The following CCSER1 variants were observed in gnomAD, a reference collection of about 807,000 sequenced individuals.
CCSER1 encodes the protein serine-rich coiled-coil domain-containing protein 1.
A neutral mutation model predicts 82.0 loss-of-function variants in CCSER1; 41 were observed. The ratio of observed to expected loss-of-function variants is 0.50; its 90% CI spans 0.39 to 0.65. The LOEUF (loss-of-function observed/expected upper bound fraction) is 0.65, where lower values mean the gene tolerates loss of function less well. Ranked by LOEUF, CCSER1 falls within the 30% of genes least tolerant of loss-of-function variation. The pLI is 0.00. For missense variants in CCSER1, 1,119 were observed against 1,064.2 expected (o/e 1.05, Z -0.72); for synonymous variants, 414 against 383.9 (o/e 1.08, Z -0.92).
Position 90,675,697 on chromosome 4 carries a change from TTTTTTTATGTG to T in CCSER1, c.1932+47472_1932+47482del. Among the ~76,000 whole-genome samples, 2 of 1,020 alleles carry T rather than the reference TTTTTTTATGTG, an allele frequency of 2.0e-3. 1 individual carries two copies. Among genetic ancestry groups the T allele is most frequent in the Non-Finnish European group, 4.3e-3 (2 of 468 alleles). The allele number at this position is 1,020 out of a possible 152,430, so 0.7% of individuals were successfully genotyped here. ...CTTGGGTTGGTGGTTTTTTTTTTTTTTTTTTTATGTGTTTTTTTTTTTTTTTTTTTTTTTTT... is the reference window on the plus strand; with the variant it reads ...CTTGGGTTGGTGGTTTTTTTTTTTTTTTTTTTTTTTTTTTTTTTTTTTTTT... On this transcript the variant is annotated intron_variant, in intron 6 of 10. Transcript: ENST00000509176.
intron 6 of CCSER1, among the ~76,000 whole-genome samples, chr4:90,682,462 C>G (rs1013142208): frequency 6.6e-6 from 1 of 151,912 alleles, no homozygotes; most frequent in Non-Finnish European, 1.5e-5. Context: ...CTCCAAAGGA[C>G]CTGTATTAGT....
intron 7 of CCSER1, among the ~76,000 whole-genome samples, chr4:90,762,850 G>A (rs948902484): frequency 6.6e-6 from 1 of 152,024 alleles, no homozygotes; most frequent in African/African-American, 2.4e-5. Flanking sequence ...CTTGAGATGG[G>A]GAGATTATCC....
intron 10 of CCSER1, among the ~76,000 whole-genome samples, chr4:91,209,716 G>A (rs1326678403): frequency 6.6e-6 from 1 of 151,804 alleles, no homozygotes; most frequent in Non-Finnish European, 1.5e-5. Flanking sequence ...TCAGGATGAT[G>A]CTGGCCTCGT....
chr4:90,226,414 C>T (rs1743166241), intron 1 of CCSER1, among the ~76,000 whole-genome samples: 1 of 152,152 alleles, frequency 6.6e-6, no homozygotes, highest in South Asian at 2.1e-4. Flanking sequence ...AGATACTGGG[C>T]CCTCAGGCAA....
chr4:90,468,239 C>T lies in CCSER1; in HGVS notation c.1609C>T (p.Arg537Trp), dbSNP rs746291603. The T allele has an allele frequency of 1.1e-5, 18 of 1,591,172 alleles. No individual in the cohort carries two copies. The highest frequency in any genetic ancestry group is 1.7e-4 in the Middle Eastern group (1 of 6,002). ...EEQSLHPSVC[R>W]EDSYHSVVSC... ...TCCTCGGTTTTTTTGAACAGTTTGC[C>T]GGGAGGACTCATATCACTCTGTCGT... The change falls in exon 5 of 11, where the codon CGG becomes TGG. Residue 537 changes from arginine to tryptophan, a missense_variant. Transcript: ENST00000509176.
At position 91,598,811 on chromosome 4, in the gene CCSER1, G is replaced by C; in HGVS notation, c.2457G>C (p.Gln819His). The C allele has an allele frequency of 3.2e-6, 5 of 1,551,620 alleles. No individual in the cohort carries two copies. The Middle Eastern group carries it at 5.0e-4, about 155-fold the overall frequency. The change falls in exon 11 of 11, where the codon CAG becomes CAC. Residue 819 changes from glutamine to histidine, a missense_variant. Physicochemically the swap from Gln to His is conservative, Grantham distance 24. Transcript: ENST00000509176. ...AAACCCTCACTTCAGACGTTACACA[G>C]AACTTACGGGCCACCGTTGGGCAGA... ...TYETLTSDVT[Q>H]NLRATVGQSS... is the part of the protein sequence containing the mutation.
chr4:90,591,744 T>C (rs969033999), intron 5 of CCSER1, among the ~76,000 whole-genome samples: 3 of 152,216 alleles, frequency 2.0e-5, no homozygotes, highest in African/African-American at 7.2e-5. Flanking sequence ...TGTATGTTTA[T>C]TGGAACACTA....
At position 91,070,660 on chromosome 4, in the gene CCSER1, G is replaced by C. The variant is rs570760461; in HGVS notation, c.2173-15290G>C. On this transcript the variant is annotated intron_variant, in intron 9 of 10. Coordinates refer to ENST00000509176, the MANE Select transcript of CCSER1 (RefSeq NM_001145065.2). The stretch of plus-strand genomic sequence containing the variant: ...CCCTATTGTGAACTGTGCATGCAAG[G>C]GATCTTGGTTGGGCACTCCTTATGA... 2.6e-5 allele frequency among the ~76,000 whole-genome samples: 4 copies of C among 152,192 alleles called. No individual in the cohort carries two copies. In the South Asian group the frequency reaches 8.3e-4, roughly 32 times the overall value.
At chr4:90,215,846 C>T (rs1740899212) in intron 1 of CCSER1, among the ~76,000 whole-genome samples, 1 of 152,134 alleles carries the variant, frequency 6.6e-6, no homozygotes, top group African/African-American at 2.4e-5. Context: ...ACAGGCTTTA[C>T]TACCTGAGAA....
At chr4:91,405,658 G>T (rs1210373837) in intron 10 of CCSER1, among the ~76,000 whole-genome samples, 2 of 152,158 alleles carry the variant, frequency 1.3e-5, no homozygotes, top group Non-Finnish European at 1.5e-5. Flanking sequence ...TGGCTCCGTG[G>T]CATTGGACCC....
chr4:91,048,780 G>A (rs1365617913), intron 9 of CCSER1, among the ~76,000 whole-genome samples: 1 of 152,068 alleles, frequency 6.6e-6, no homozygotes, highest in Admixed American at 6.6e-5. Flanking sequence ...GCTTACATTG[G>A]TAGAGAAGCA....
intron 5 of CCSER1, among the ~76,000 whole-genome samples, chr4:90,585,340 C>T (rs568850051): frequency 2.0e-4 from 30 of 152,192 alleles, no homozygotes; most frequent in Middle Eastern, 3.4e-3. Flanking sequence ...TTGACAAAAT[C>T]CTTTATGTAC....
chr4:91,002,699 A>G (rs944782341), intron 9 of CCSER1, among the ~76,000 whole-genome samples: 23 of 151,906 alleles, frequency 1.5e-4, no homozygotes, highest in Admixed American at 3.9e-4. Context: ...CCTTTCTCTG[A>G]TGCCTTCCTG....
At chr4:90,406,077 G>A (rs1196904499) in intron 4 of CCSER1, among the ~76,000 whole-genome samples, 1 of 152,108 alleles carries the variant, frequency 6.6e-6, no homozygotes, top group Non-Finnish European at 1.5e-5. Flanking sequence ...GGCAGAATGG[G>A]TAATAATTCA....
chr4:91,277,693 A>G (rs957802820), intron 10 of CCSER1, among the ~76,000 whole-genome samples: 7 of 150,546 alleles, frequency 4.6e-5, no homozygotes, highest in Non-Finnish European at 1.0e-4. Flanking sequence ...TAGTTCTGCT[A>G]TGACTTTTAT....
At position 90,819,027 on chromosome 4, in the gene CCSER1, T is replaced by C. The variant is rs75421155; in HGVS notation, c.2094+3182T>C. Among the ~76,000 whole-genome samples the C allele has an allele frequency of 8.7e-3, 1,321 of 152,304 alleles. 21 individuals are homozygous for C. The highest frequency in any genetic ancestry group is 0.03 in the African/African-American group (1,258 of 41,576). On this transcript the variant is annotated intron_variant, in intron 8 of 10. Transcript: ENST00000509176. ...AAACAACTAAAGTCTATTTGTCAGA[T>C]TTCTGGAGGATAGAAGTCTGAGATC...
At position 90,516,864 on chromosome 4, in the gene CCSER1, A is replaced by G. The variant is rs753821322; in HGVS notation, c.1724+48510A>G. Among the ~76,000 whole-genome samples, 22 of 152,250 alleles carry G rather than the reference A, an allele frequency of 1.4e-4. 1 individual carries two copies. The highest frequency in any genetic ancestry group is 6.8e-3 in the Middle Eastern group (2 of 294). Reference sequence around the variant, plus strand: ...GCTTTTGGAACAGGGAGATTATAATACTTTTATGAGGTGGATTTTGCTTTG... The same window carrying G: ...GCTTTTGGAACAGGGAGATTATAATGCTTTTATGAGGTGGATTTTGCTTTG... On this transcript the variant is annotated intron_variant, in intron 5 of 10. Transcript: ENST00000509176.
intron 4 of CCSER1, among the ~76,000 whole-genome samples, chr4:90,464,513 TG>T (rs1763360731): frequency 6.6e-6 from 1 of 152,332 alleles, no homozygotes; most frequent in South Asian, 2.1e-4. Flanking sequence ...TAGAAACACA[TG>T]GGGACTTTTA....
At chr4:91,485,838 C>A (rs111442961) in intron 10 of CCSER1, among the ~76,000 whole-genome samples, 1,887 of 151,976 alleles carry the variant, frequency 0.012, 17 homozygotes, top group African/African-American at 0.026. Flanking sequence ...GATTTAAATC[C>A]TTTGGGAATA....
Sources: allele counts gnomAD v4.1 joint callset (sites outside exome capture counted in the v4.1 genomes callset), GRCh38; gene constraint gnomAD v4.1.1; transcripts MANE v1.5; gene names NCBI Gene and HGNC (gene_info 2026-07-23, HGNC 2026-07-21).